The following ROBO2 variants were observed in gnomAD, a reference collection of about 807,000 sequenced individuals.
ROBO2 encodes the protein roundabout homolog 2.
Under a neutral mutation model 160.8 loss-of-function variants are expected in ROBO2, and 53 were observed. That is an observed-to-expected ratio of 0.33 (90% CI 0.26 to 0.41). The LOEUF (loss-of-function observed/expected upper bound fraction) is 0.41, where lower values mean the gene tolerates loss of function less well. ROBO2 is among the 10% of genes least tolerant of loss of function. The pLI is 1.00. For missense variants in ROBO2, 1,577 were observed against 1,722.4 expected, an observed-to-expected ratio of 0.92 and a Z score of 1.49; for synonymous variants, 664 against 611.7, an observed-to-expected ratio of 1.09 and a Z score of -1.26.
intron 2 of ROBO2, among the ~76,000 whole-genome samples, chr3:76,117,757 A>G (rs1379807235): frequency 1.3e-5 from 2 of 152,178 alleles, no homozygotes; most frequent in Non-Finnish European, 2.9e-5. Flanking sequence ...AGTGGGGGAG[A>G]CAGATGTTGA....
intron 2 of ROBO2, among the ~76,000 whole-genome samples, chr3:75,989,236 G>A (rs971075930): frequency 9.2e-5 from 14 of 152,052 alleles, no homozygotes; most frequent in Non-Finnish European, 1.9e-4. Flanking sequence ...TCCTGCCTCA[G>A]CCTCCCAAGT....
At chr3:76,064,607 T>C (rs1474594963) in intron 2 of ROBO2, among the ~76,000 whole-genome samples, 21 of 152,234 alleles carry the variant, frequency 1.4e-4, no homozygotes, top group Admixed American at 1.4e-3. Context: ...ATTTTTCTAA[T>C]AATTACTTTT....
chr3:76,093,314 A>G (rs991524569), intron 2 of ROBO2, among the ~76,000 whole-genome samples: 1 of 152,024 alleles, frequency 6.6e-6, no homozygotes, highest in African/African-American at 2.4e-5. Context: ...ACAAGTAGAC[A>G]TTAACATAGC....
chr3:76,462,758 G>A (rs543408746), intron 2 of ROBO2, among the ~76,000 whole-genome samples: 1 of 152,180 alleles, frequency 6.6e-6, no homozygotes, highest in Non-Finnish European at 1.5e-5. Flanking sequence ...TCACACTACA[G>A]TGTGATGTAA....
chr3:77,039,070 A>G (rs1326593843), upstream of ROBO2, among the ~76,000 whole-genome samples: 1 of 152,166 alleles, frequency 6.6e-6, no homozygotes, highest in African/African-American at 2.4e-5. Context: ...AGGGGTCAAA[A>G]GGCAACTGAG....
chr3:76,485,161 A>C (rs1459883734), intron 2 of ROBO2, among the ~76,000 whole-genome samples: 1 of 152,076 alleles, frequency 6.6e-6, no homozygotes, highest in Non-Finnish European at 1.5e-5. Context: ...ATTGTAATAC[A>C]TCATGAAAAA....
At chr3:76,452,254 G>A (rs1375866690) in intron 2 of ROBO2, among the ~76,000 whole-genome samples, 1 of 151,882 alleles carries the variant, frequency 6.6e-6, no homozygotes, top group Non-Finnish European at 1.5e-5. Flanking sequence ...GTATACATGT[G>A]CCATGCTGGT....
intron 2 of ROBO2, among the ~76,000 whole-genome samples, chr3:76,808,393 T>C (rs2064903843): frequency 6.6e-6 from 1 of 152,128 alleles, no homozygotes; most frequent in Non-Finnish European, 1.5e-5. Flanking sequence ...CAAGTATTTT[T>C]TGAGCACCTC....
At chr3:75,927,130 C>T (rs1947324198) in intron 1 of ROBO2, among the ~76,000 whole-genome samples, 1 of 152,146 alleles carries the variant, frequency 6.6e-6, no homozygotes, top group African/African-American at 2.4e-5. Context: ...TTATCAAGGT[C>T]CTCTTTAATT....
intron 2 of ROBO2, among the ~76,000 whole-genome samples, chr3:76,696,599 T>C (rs2107348973): frequency 6.6e-6 from 1 of 152,292 alleles, no homozygotes; most frequent in Non-Finnish European, 1.5e-5. Flanking sequence ...GCCATTATAT[T>C]CTATTTTTCT....
intron 7 of ROBO2, among the ~76,000 whole-genome samples, chr3:77,548,273 T>C (rs1396404346): frequency 2.0e-5 from 3 of 152,090 alleles, no homozygotes; most frequent in Non-Finnish European, 4.4e-5. Flanking sequence ...TAATCTAAAA[T>C]ACAGAGCTAA....
chr3:76,619,184 C>CA (rs1400899446), intron 2 of ROBO2, among the ~76,000 whole-genome samples: 2 of 151,408 alleles, frequency 1.3e-5, no homozygotes, highest in African/African-American at 2.4e-5. Context: ...ACTAAAAATA[C>CA]AAAAAATTAG....
rs1300546436 is a variant in ROBO2 at position 77,164,514 on chromosome 3, C to T, written c.388+66174C>T. 2.2e-5 allele frequency among the ~76,000 whole-genome samples: 3 copies of T among 136,428 alleles called. No individual in the cohort carries two copies. In the East Asian group the frequency reaches 7.1e-4, roughly 32 times the overall value. 89.5% of individuals were successfully genotyped at this position (136,428 alleles called of 152,430 possible). A position where few individuals can be genotyped will look rare whatever the true frequency, so the allele number is the denominator to read the frequency against. On this transcript the variant is annotated intron_variant, in intron 2 of 25. Transcript: ENST00000461745. ...GGGGTCAGCCCCCCGCCCGGCCAGC[C>T]GTGCTGTCCGGGAGGGAGGTGGGGG...
intron 2 of ROBO2, among the ~76,000 whole-genome samples, chr3:76,820,426 T>C (rs188480157): frequency 1.3e-5 from 2 of 152,194 alleles, no homozygotes; most frequent in East Asian, 1.9e-4. Context: ...TGTTCTCCTA[T>C]AAATTGCATT....
At chr3:76,344,589 C>T (rs1018418582) in intron 2 of ROBO2, among the ~76,000 whole-genome samples, 5 of 152,116 alleles carry the variant, frequency 3.3e-5, no homozygotes, top group African/African-American at 1.2e-4. Flanking sequence ...TCAGAAAAGG[C>T]TCTATTACTT....
At chr3:77,337,990 C>T (rs762464511) in intron 2 of ROBO2, among the ~76,000 whole-genome samples, 4 of 152,116 alleles carry the variant, frequency 2.6e-5, no homozygotes, top group Non-Finnish European at 5.9e-5. Context: ...TTTCAGCATC[C>T]TTGAAACATT....
chr3:76,497,542 AAT>A (rs2080219674), intron 2 of ROBO2, among the ~76,000 whole-genome samples: 1 of 152,148 alleles, frequency 6.6e-6, no homozygotes, highest in African/African-American at 2.4e-5. Flanking sequence ...TACCTAAAAT[AAT>A]ATCTCTTGTC....
chr3:76,816,026 CT>C (rs2065635530), intron 2 of ROBO2, among the ~76,000 whole-genome samples: 2 of 152,084 alleles, frequency 1.3e-5, no homozygotes, highest in Non-Finnish European at 2.9e-5. Context: ...ATACTTTTCT[CT>C]GTTGAAGACG....
chr3:77,123,168 T>C (rs962291111), intron 2 of ROBO2, among the ~76,000 whole-genome samples: 1 of 152,190 alleles, frequency 6.6e-6, no homozygotes, highest in Admixed American at 6.6e-5. Flanking sequence ...ATACATGGAC[T>C]GGGAGTATTA....
Sources: allele counts gnomAD v4.1 joint callset (sites outside exome capture counted in the v4.1 genomes callset), GRCh38; gene constraint gnomAD v4.1.1; transcripts MANE v1.5; gene names NCBI Gene and HGNC (gene_info 2026-07-23, HGNC 2026-07-21).